TGFBR3: variants seen among roughly 807,000 people sequenced by gnomAD.
The protein encoded by TGFBR3 is transforming growth factor beta receptor type 3.
A neutral mutation model predicts 87.9 loss-of-function variants in TGFBR3; 46 were observed. That is an observed-to-expected ratio of 0.52 (90% CI 0.41 to 0.67). The LOEUF is 0.67. TGFBR3 is among the 30% of genes least tolerant of loss of function. TGFBR3 has a pLI of 0.00. For synonymous variants in TGFBR3, 381 were observed against 391.6 expected (o/e 0.97, Z 0.32); for missense variants, 866 against 1,041.9 (o/e 0.83, Z 2.32).
At chr1:91,736,709 A>G (rs900473391) in intron 4 of TGFBR3, among the ~76,000 whole-genome samples, 1 of 152,178 alleles carries the variant, frequency 6.6e-6, no homozygotes, top group Admixed American at 6.5e-5. Flanking sequence ...GCACTGTAGT[A>G]AAATCTTCCT....
At chr1:91,860,790 C>A (rs915332065) in intron 2 of TGFBR3, among the ~76,000 whole-genome samples, 1 of 151,616 alleles carries the variant, frequency 6.6e-6, no homozygotes, top group African/African-American at 2.4e-5. Context: ...ATATTATCCA[C>A]GTGTAGTGGC....
chr1:91,871,174 C>G (rs1376077077), intron 1 of TGFBR3, among the ~76,000 whole-genome samples: 1 of 152,162 alleles, frequency 6.6e-6, no homozygotes, highest in East Asian at 1.9e-4. Context: ...CCTCCAGAAA[C>G]AGCTGACTTT....
chr1:91,846,177 T>C (rs1677490838), intron 2 of TGFBR3, among the ~76,000 whole-genome samples: 1 of 152,182 alleles, frequency 6.6e-6, no homozygotes, highest in Non-Finnish European at 1.5e-5. Context: ...CAAAACGCAA[T>C]TGAGCCGGGT....
chr1:91,880,544 G>A lies in TGFBR3; in HGVS notation c.-114+5334C>T, dbSNP rs994661253. Among the ~76,000 whole-genome samples the A allele has an allele frequency of 3.3e-5, 5 of 152,102 alleles. 1 individual carries two copies. The highest frequency in any genetic ancestry group is 2.6e-4 in the Admixed American group (4 of 15,262). On this transcript the variant is annotated intron_variant, in intron 1 of 16. Coordinates refer to ENST00000212355, the MANE Select transcript of TGFBR3 (RefSeq NM_003243.5). The stretch of plus-strand genomic sequence containing the variant: ...ACCAGGGAGGCGGAGCTTGCAGTGA[G>A]CCGAGATCGCGCCACTGCACTCCAC...
chr1:91,851,285 A>G (rs1474547184), intron 2 of TGFBR3, among the ~76,000 whole-genome samples: 1 of 152,204 alleles, frequency 6.6e-6, no homozygotes, highest in African/African-American at 2.4e-5. Flanking sequence ...CCTGATTGAC[A>G]GTGCCCTCTC....
At chr1:91,856,617 C>T (rs1454253988) in intron 2 of TGFBR3, among the ~76,000 whole-genome samples, 1 of 152,166 alleles carries the variant, frequency 6.6e-6, no homozygotes, top group Non-Finnish European at 1.5e-5. Flanking sequence ...CCTTTGACAA[C>T]CTTCACCCCT....
intron 4 of TGFBR3, among the ~76,000 whole-genome samples, chr1:91,751,649 A>G (rs1673545271): frequency 6.6e-6 from 1 of 152,000 alleles, no homozygotes; most frequent in Non-Finnish European, 1.5e-5. Context: ...CTCTAGTTTA[A>G]GTAAAAGGAA....
At chr1:91,693,693 C>A (rs571882478) in intron 16 of TGFBR3, among the ~76,000 whole-genome samples, 1 of 152,254 alleles carries the variant, frequency 6.6e-6, no homozygotes, top group African/African-American at 2.4e-5. Context: ...CAGTCAGTGG[C>A]TGAGCAGGCA....
upstream of TGFBR3, among the ~76,000 whole-genome samples, chr1:91,890,409 C>CTTTTTTTTTTT (rs1175619952): frequency 1.8e-3 from 111 of 60,384 alleles, 26 homozygotes; most frequent in African/African-American, 6.2e-3. Context: ...TCTCTATAAT[C>CTTTTTTTTTTT]TTTTTTTTTT....
chr1:91,702,537 T>C (rs1247609443), intron 14 of TGFBR3, among the ~76,000 whole-genome samples: 2 of 152,104 alleles, frequency 1.3e-5, no homozygotes, highest in South Asian at 2.1e-4. Flanking sequence ...TAATCATCAG[T>C]TTCCTGCTTG....
intron 2 of TGFBR3, among the ~76,000 whole-genome samples, chr1:91,801,497 A>G (rs1048740413): frequency 2.0e-5 from 3 of 152,212 alleles, no homozygotes; most frequent in Admixed American, 2.0e-4. Context: ...CTGTGCCAAC[A>G]CTTTCTGTGA....
intron 4 of TGFBR3, among the ~76,000 whole-genome samples, chr1:91,754,835 G>C (rs1481029527): frequency 7.2e-5 from 11 of 152,102 alleles, no homozygotes; most frequent in African/African-American, 2.7e-4. Flanking sequence ...AAATAAAAAG[G>C]TCACCCTGAT....
chr1:91,825,947 C>A (rs909334688), intron 2 of TGFBR3, among the ~76,000 whole-genome samples: 1 of 147,738 alleles, frequency 6.8e-6, no homozygotes, highest in African/African-American at 2.5e-5. Context: ...TGCCATTGCA[C>A]TCTAGCCTGG....
chr1:91,774,692 T>C (rs1269751002), intron 3 of TGFBR3, among the ~76,000 whole-genome samples: 3 of 152,226 alleles, frequency 2.0e-5, no homozygotes, highest in Admixed American at 6.5e-5. Flanking sequence ...AATCGACTCA[T>C]GCGGTGATTG....
chr1:91,774,673 G>A (rs949336331), intron 3 of TGFBR3, among the ~76,000 whole-genome samples: 7 of 152,122 alleles, frequency 4.6e-5, no homozygotes, highest in Middle Eastern at 3.2e-3. Flanking sequence ...AACAAGTCTC[G>A]GTCATCACAA....
chr1:91,680,900 T>C lies in TGFBR3; in HGVS notation c.*2839A>G, dbSNP rs534401333. ...TTTAGAAAATGCTATAGAAACAGTT[T>C]AGACAGAAGAAATCTCTGGCTTTTT... is the stretch of plus-strand genomic sequence containing the variant. On this transcript the variant is annotated 3_prime_UTR_variant, in exon 17 of 17. Transcript: ENST00000212355. The C allele has an allele frequency of 3.4e-4, 154 of 453,990 alleles. 1 individual carries two copies. The highest frequency in any genetic ancestry group is 2.4e-3 in the South Asian group (154 of 64,426). 28.1% of individuals were successfully genotyped at this position (453,990 alleles called of 1,614,324 possible).
At chr1:91,878,629 G>A (rs1678950896) in intron 1 of TGFBR3, among the ~76,000 whole-genome samples, 1 of 152,160 alleles carries the variant, frequency 6.6e-6, no homozygotes, top group Admixed American at 6.5e-5. Flanking sequence ...CTTCGCCCAA[G>A]GCAATCTGAT....
At chr1:91,799,700 G>C (rs906143493) in intron 2 of TGFBR3, among the ~76,000 whole-genome samples, 2 of 152,114 alleles carry the variant, frequency 1.3e-5, no homozygotes, top group African/African-American at 4.8e-5. Flanking sequence ...CTCTGAACAG[G>C]CTGAAAACAC....
At chr1:91,784,773 T>C (rs1674897638) in intron 3 of TGFBR3, among the ~76,000 whole-genome samples, 1 of 152,178 alleles carries the variant, frequency 6.6e-6, no homozygotes, top group Non-Finnish European at 1.5e-5. Flanking sequence ...AGGGATCCGA[T>C]GCAGGGGCTT....
Sources: gnomAD v4.1 joint callset for allele counts (sites outside exome capture counted in the v4.1 genomes callset) on GRCh38, gnomAD v4.1.1 for gene constraint, MANE v1.5 for transcripts, NCBI Gene and HGNC (gene_info 2026-07-23, HGNC 2026-07-21) for gene names.